Variants in TBCD observed in about 807,000 individuals in gnomAD.
The protein encoded by TBCD is tubulin folding cofactor D.
Under a neutral mutation model 169.3 loss-of-function variants are expected in TBCD, and 105 were observed. That is an observed-to-expected ratio of 0.62 (90% CI 0.53 to 0.73). The LOEUF (loss-of-function observed/expected upper bound fraction) is 0.73, where lower values mean the gene tolerates loss of function less well. Among genes scored for constraint, TBCD ranks in the 30% least tolerant of loss-of-function variants. The pLI, the probability that TBCD is intolerant of heterozygous loss-of-function variation, is 0.00. For missense variants in TBCD, 1,444 were observed against 1,600.1 expected, an observed-to-expected ratio of 0.90 and a Z score of 1.66; for synonymous variants, 700 against 643.9, an observed-to-expected ratio of 1.09 and a Z score of -1.32.
chr17:82,844,730 A>AT (rs748211776), intron 13 of TBCD, among the ~76,000 whole-genome samples: 1 of 146,952 alleles, frequency 6.8e-6, no homozygotes, highest in East Asian at 2.2e-4. Flanking sequence ...TTTACCCGCT[A>AT]TTTTTTACAT....
chr17:82,775,655 G>A (rs1241749786), intron 6 of TBCD, among the ~76,000 whole-genome samples: 1 of 150,232 alleles, frequency 6.7e-6, no homozygotes. Flanking sequence ...GGTGGTGCTT[G>A]GTGTTACAGT....
chr17:82,845,455 C>T (rs139302892), intron 13 of TBCD, among the ~76,000 whole-genome samples: 5,879 of 121,820 alleles, frequency 0.048, 143 homozygotes, highest in South Asian at 0.087. Flanking sequence ...CTCTCCATCT[C>T]GTCTGGCCCG....
chr17:82,776,956 T>C (rs1420260244), intron 6 of TBCD, among the ~76,000 whole-genome samples: 1 of 152,184 alleles, frequency 6.6e-6, no homozygotes, highest in East Asian at 1.9e-4. Context: ...GTGACCTGAC[T>C]CTGCGTGTCT....
At chr17:82,856,481 G>A (rs564004674) in intron 13 of TBCD, among the ~76,000 whole-genome samples, 1 of 152,186 alleles carries the variant, frequency 6.6e-6, no homozygotes, top group South Asian at 2.1e-4. Context: ...CCCAATGCTT[G>A]CGTTCCCCAA....
At chr17:82,762,904 A>G (rs764559038) in intron 2 of TBCD, among the ~76,000 whole-genome samples, 11 of 152,062 alleles carry the variant, frequency 7.2e-5, no homozygotes, top group Non-Finnish European at 1.3e-4. Context: ...CAGGGAGTGT[A>G]TCTCGTTGTG....
rs753252268 is a variant in TBCD, at chr17:82,884,252, C to G, written c.1533+50C>G. The G allele has an allele frequency of 7.0e-5, 106 of 1,510,374 alleles. No homozygotes were observed. The Middle Eastern group carries it at 1.0e-3, about 15-fold the overall frequency. The allele number at this position is 1,510,374 out of a possible 1,614,324, so 93.6% of individuals were successfully genotyped here. ...CCTTTCCTGAAGGTGGGGGGTGGGC[C>G]TGGTCTCCCTGATGCTCCTCTGTGC... On this transcript the variant is annotated intron_variant, in intron 15 of 38. Coordinates refer to ENST00000355528, the MANE Select transcript of TBCD (RefSeq NM_005993.5). The surrounding 1 kb of genome is among the most constrained non-coding windows in gnomAD (Gnocchi z 4.2).
intron 23 of TBCD, among the ~76,000 whole-genome samples, chr17:82,916,586 T>C (rs900713258): frequency 7.2e-5 from 11 of 152,190 alleles, no homozygotes; most frequent in African/African-American, 2.7e-4. Flanking sequence ...TTTGCATTTA[T>C]TCATTCGTTT....
rs1448067421 is a variant in TBCD, at chr17:82,923,232, T to C, written c.2179-420T>C. Reference sequence around the variant, plus strand: ...ATTGTTCCATATTAGAAGACAGACATTGTGGAAGGAATAATCAGGTTATCC... The same window carrying C: ...ATTGTTCCATATTAGAAGACAGACACTGTGGAAGGAATAATCAGGTTATCC... On this transcript the variant is annotated intron_variant, in intron 25 of 38. Coordinates refer to ENST00000355528, the MANE Select transcript of TBCD (RefSeq NM_005993.5). This position sits in a 1 kb window ranked among gnomAD's most constrained non-coding sequence, Gnocchi z 4.6. 2.0e-5 allele frequency among the ~76,000 whole-genome samples: 3 copies of C among 152,218 alleles called. No individual in the cohort carries two copies. The highest frequency in any genetic ancestry group is 2.9e-5 in the Non-Finnish European group (2 of 68,030).
chr17:82,891,009 C>T (rs1204990094), intron 16 of TBCD, among the ~76,000 whole-genome samples: 1 of 152,238 alleles, frequency 6.6e-6, no homozygotes, highest in Non-Finnish European at 1.5e-5. Flanking sequence ...GCTTCCAGCC[C>T]CTCCAGAGCC....
At chr17:82,897,019 C>T (rs910084576) in intron 17 of TBCD, among the ~76,000 whole-genome samples, 1 of 152,110 alleles carries the variant, frequency 6.6e-6, no homozygotes. Flanking sequence ...TTTCAGTCAT[C>T]ATCCATTTCA....
At chr17:82,791,104 T>TA (rs1262003419) in intron 7 of TBCD, among the ~76,000 whole-genome samples, 1 of 150,096 alleles carries the variant, frequency 6.7e-6, no homozygotes, top group African/African-American at 2.5e-5. Flanking sequence ...TTTTTTTTTT[T>TA]TTTTTTAGAC....
chr17:82,808,607 GC>G (rs1443994213), intron 11 of TBCD, among the ~76,000 whole-genome samples: 1 of 146,380 alleles, frequency 6.8e-6, no homozygotes, highest in Non-Finnish European at 1.5e-5. Context: ...AGGTCCAAGG[GC>G]TGGCAGGTGC....
At chr17:82,838,005 T>G (rs2054130957) in intron 13 of TBCD, among the ~76,000 whole-genome samples, 1 of 152,236 alleles carries the variant, frequency 6.6e-6, no homozygotes, top group Non-Finnish European at 1.5e-5. Context: ...ACTCTGTGCC[T>G]TTCTAAATAT....
chr17:82,816,834 G>GC (rs1387289663), intron 13 of TBCD, among the ~76,000 whole-genome samples: 29 of 127,226 alleles, frequency 2.3e-4, no homozygotes, highest in Admixed American at 9.0e-4. Context: ...CACCACACTT[G>GC]CCCCCTGCTT....
intron 6 of TBCD, among the ~76,000 whole-genome samples, chr17:82,781,324 G>T (rs1372281588): frequency 7.1e-6 from 1 of 141,038 alleles, no homozygotes; most frequent in Non-Finnish European, 1.5e-5. Flanking sequence ...AGGCGGGGGG[G>T]GATGGGCAGT....
rs2292965 is a variant in TBCD, at chr17:82,942,769, G to A, written c.*306G>A. 0.27 allele frequency: 133,936 copies of A among 491,278 alleles called. 18,854 individuals carry two copies. Among genetic ancestry groups the A allele is most frequent in the East Asian group, 0.4 (10,603 of 26,794 alleles). 30.4% of individuals were successfully genotyped at this position (491,278 alleles called of 1,614,324 possible). The stretch of plus-strand genomic sequence containing the variant: ...TGATGGAAAGGCTCACTGCCCAGGG[G>A]TCAGCCAGAGGGGAGGTGGGCTGCA... On this transcript the variant is annotated 3_prime_UTR_variant, in exon 39 of 39. Coordinates refer to ENST00000355528, the MANE Select transcript of TBCD (RefSeq NM_005993.5).
chr17:82,937,417 C>A, intron 35 of TBCD, 57 bp downstream of exon 35: 1 of 1,524,870 alleles, frequency 6.6e-7, no homozygotes, highest in Non-Finnish European at 9.1e-7. Flanking sequence ...CCTCCCTTGG[C>A]TGAGGGCAGG....
intron 30 of TBCD, 31 bp from the exon 31 acceptor site, chr17:82,929,064 TCTTAATTTACCGCCCGCC>T: frequency 6.3e-7 from 1 of 1,584,494 alleles, no homozygotes; most frequent in South Asian, 1.1e-5. Context: ...TACCGCCCGC[TCTTAATTTACCGCCCGCC>T]CTTGGTTTAC....
intron 17 of TBCD, among the ~76,000 whole-genome samples, chr17:82,899,311 TGTCCTCAGCGCGCGC>T (rs953194043): frequency 2.6e-5 from 4 of 151,236 alleles, no homozygotes; most frequent in Admixed American, 6.6e-5. Flanking sequence ...TCCGCTCACG[TGTCCTCAGCGCGCGC>T]GTCCTCAGCT....
Sources: gnomAD v4.1 joint callset for allele counts (sites outside exome capture counted in the v4.1 genomes callset) on GRCh38, gnomAD v4.1.1 for gene constraint, Gnocchi (gnomAD v3.1) non-coding constraint, MANE v1.5 for transcripts, NCBI Gene and HGNC (gene_info 2026-07-23, HGNC 2026-07-21) for gene names.